CFAP57: variants seen among roughly 807,000 people sequenced by gnomAD.
CFAP57 encodes the protein cilia- and flagella-associated protein 57.
A neutral mutation model predicts 146.8 loss-of-function variants in CFAP57; 116 were observed. The observed-to-expected ratio is 0.79, with a 90% CI of 0.68 to 0.92. The LOEUF (loss-of-function observed/expected upper bound fraction) is 0.92, where lower values mean the gene tolerates loss of function less well. CFAP57 is among the 40% of genes least tolerant of loss of function. The pLI, the probability that CFAP57 is intolerant of heterozygous loss-of-function variation, is 0.00. For synonymous variants in CFAP57, 518 were observed against 552.8 expected, an observed-to-expected ratio of 0.94 and a Z score of 0.88; for missense variants, 1,377 against 1,527.2, an observed-to-expected ratio of 0.90 and a Z score of 1.64.
chr1:43,198,303 C>T (rs61776953), intron 7 of CFAP57, among the ~76,000 whole-genome samples, 178 bp from the exon 8 acceptor site: 6,438 of 152,266 alleles, frequency 0.042, 164 homozygotes, highest in African/African-American at 0.049. Context: ...TCCCTATCTA[C>T]CATGCTCCAC....
At chr1:43,253,403 G>A (rs566890927) in intron 22 of CFAP57, among the ~76,000 whole-genome samples, 2 of 152,334 alleles carry the variant, frequency 1.3e-5, no homozygotes, top group South Asian at 4.1e-4. Context: ...GGAGGCCAAG[G>A]TCACTAATGC....
chr1:43,214,181 C>T (rs527970665), intron 11 of CFAP57, among the ~76,000 whole-genome samples: 8 of 151,772 alleles, frequency 5.3e-5, no homozygotes, highest in Admixed American at 3.3e-4. Flanking sequence ...CCACCACGCC[C>T]GCCCCTTAGC....
chr1:43,205,325 C>T (rs1325985954), intron 9 of CFAP57, among the ~76,000 whole-genome samples: 1 of 152,186 alleles, frequency 6.6e-6, no homozygotes, highest in Non-Finnish European at 1.5e-5. Flanking sequence ...AAAGTCAGCC[C>T]CCTCAAGCAG....
chr1:43,202,551 G>A (rs940817097), intron 9 of CFAP57, among the ~76,000 whole-genome samples: 1 of 152,164 alleles, frequency 6.6e-6, no homozygotes, highest in Admixed American at 6.5e-5. Flanking sequence ...GGGAGGCTGA[G>A]GCAGGCGGAT....
At chr1:43,187,570 A>T (rs1196571294) in intron 6 of CFAP57, among the ~76,000 whole-genome samples, 2 of 151,854 alleles carry the variant, frequency 1.3e-5, no homozygotes, top group African/African-American at 4.8e-5. Context: ...GCAACCATTT[A>T]TCATAGACAG....
At chr1:43,210,460 G>A (rs1644555120) in intron 11 of CFAP57, 2 of 1,071,608 alleles carry the variant, frequency 1.9e-6, no homozygotes, top group Non-Finnish European at 1.1e-6. Flanking sequence ...AGCAAAAGAT[G>A]GTATATCTAT....
chr1:43,243,677 A>G (rs1305175207), intron 22 of CFAP57, among the ~76,000 whole-genome samples: 5 of 152,320 alleles, frequency 3.3e-5, no homozygotes, highest in African/African-American at 1.2e-4. Flanking sequence ...CCTAAAATCA[A>G]ACACTTTAGT....
chr1:43,224,036 G>C lies in CFAP57; in HGVS notation c.2707-10G>C. The C allele has an allele frequency of 6.5e-7, 1 of 1,550,296 alleles. No individual in the cohort carries two copies. On this transcript the variant is annotated splice_polypyrimidine_tract_variant and intron_variant, in intron 16 of 22. Transcript: ENST00000372492. ...TTAGTGGTCTTTGTTGTTGCTGTTC[G>C]CTTTTCTAGTTCAGCAGCCTACAGA...
intron 21 of CFAP57, among the ~76,000 whole-genome samples, chr1:43,240,897 C>T (rs547459173): frequency 4.6e-5 from 7 of 152,320 alleles, no homozygotes; most frequent in South Asian, 2.1e-4. Context: ...TGCAGTGGCA[C>T]GATCTCGGCT....
At chr1:43,229,934 A>G (rs1218628759) in intron 18 of CFAP57, among the ~76,000 whole-genome samples, 5 of 152,176 alleles carry the variant, frequency 3.3e-5, no homozygotes, top group Non-Finnish European at 7.3e-5. Flanking sequence ...CCTGAGCCCC[A>G]TTGAGAATCT....
chr1:43,231,699 C>CT (rs1645475301), intron 18 of CFAP57, among the ~76,000 whole-genome samples: 1 of 83,572 alleles, frequency 1.2e-5, no homozygotes, highest in Non-Finnish European at 3.2e-5. Flanking sequence ...CCTAAAAATA[C>CT]AAAAAAAAAA....
intron 7 of CFAP57, among the ~76,000 whole-genome samples, chr1:43,197,963 A>C (rs1258065519): frequency 2.0e-5 from 3 of 152,138 alleles, no homozygotes; most frequent in Non-Finnish European, 2.9e-5. Context: ...CTTCTTACAT[A>C]AACTCCTGGG....
In CFAP57 at chr1:43,219,472, G is replaced by C. The variant is rs201882844; in HGVS notation, c.2182G>C (p.Glu728Gln). Residue 728 changes from glutamate to glutamine, a missense_variant, in exon 13 of 23, where the codon GAG (glutamate) becomes CAG (glutamine). Glu to Gln is a conservative substitution (Grantham distance 29). Transcript: ENST00000372492. ...QLRLKDMNYS[E>Q]KIKELTDKFI... Reference sequence around the variant, plus strand: ...CCGACTAAAGGACATGAACTATTCTGAGAAGATTAAGGAGCTAACAGACAA... The same window carrying C: ...CCGACTAAAGGACATGAACTATTCTCAGAAGATTAAGGAGCTAACAGACAA... 5 of 1,550,466 alleles carry C rather than the reference G, an allele frequency of 3.2e-6. No individual in the cohort carries two copies. Among genetic ancestry groups the C allele is most frequent in the Non-Finnish European group, 4.4e-6 (5 of 1,147,004 alleles).
chr1:43,213,783 G>C (rs542742674), intron 11 of CFAP57, among the ~76,000 whole-genome samples: 1 of 151,920 alleles, frequency 6.6e-6, no homozygotes, highest in South Asian at 2.1e-4. Context: ...TGGTGGTTTT[G>C]ATTTGCATTT....
At chr1:43,180,223 T>TATATATATATATATATATA (rs1365826886) in intron 2 of CFAP57, among the ~76,000 whole-genome samples, 1 of 137,400 alleles carries the variant, frequency 7.3e-6, no homozygotes, top group African/African-American at 2.8e-5. Context: ...TATATATATT[T>TATATATATATATATATATA]TATATATATA....
intron 2 of CFAP57, among the ~76,000 whole-genome samples, chr1:43,180,979 A>G (rs935199305): frequency 6.6e-6 from 1 of 151,960 alleles, no homozygotes; most frequent in Non-Finnish European, 1.5e-5. Context: ...TCTTCCTGCT[A>G]TCTACCACCC....
At chr1:43,190,707 AT>A (rs140467050) in intron 6 of CFAP57, among the ~76,000 whole-genome samples, 6,526 of 139,928 alleles carry the variant, frequency 0.047, 171 homozygotes, top group African/African-American at 0.059. Flanking sequence ...ATTTTGTCAC[AT>A]TTTTTTTTTC....
At chr1:43,182,291 G>C (rs747533751) in intron 3 of CFAP57, among the ~76,000 whole-genome samples, 15 of 152,194 alleles carry the variant, frequency 9.9e-5, no homozygotes, top group Non-Finnish European at 1.5e-4. Context: ...TGAAGTTGCA[G>C]TTATGTAAGG....
intron 18 of CFAP57, among the ~76,000 whole-genome samples, chr1:43,227,715 C>G (rs11811976): frequency 1.1e-3 from 167 of 152,214 alleles, no homozygotes; most frequent in African/African-American, 3.9e-3. Flanking sequence ...CCATGCCCCC[C>G]ACCACACGCC....
Sources: gnomAD v4.1 joint callset for allele counts (sites outside exome capture counted in the v4.1 genomes callset) on GRCh38, gnomAD v4.1.1 for gene constraint, MANE v1.5 for transcripts, NCBI Gene and HGNC (gene_info 2026-07-23, HGNC 2026-07-21) for gene names.